Variants in CNTN1 observed in about 807,000 individuals in gnomAD.
The protein encoded by CNTN1 is contactin-1.
In CNTN1, 38 loss-of-function variants were observed where a neutral mutation model predicts 126.4. The observed-to-expected ratio is 0.30, with a 90% CI of 0.23 to 0.39. The LOEUF is 0.39. Ranked by LOEUF, CNTN1 falls within the 10% of genes least tolerant of loss-of-function variation. CNTN1 has a pLI of 1.00. For synonymous variants in CNTN1, 413 were observed against 422.6 expected (o/e 0.98, Z 0.28); for missense variants, 1,009 against 1,248.4 (o/e 0.81, Z 2.89).
chr12:40,811,262 C>CAT (rs1480861950), intron 1 of CNTN1, among the ~76,000 whole-genome samples: 1 of 152,158 alleles, frequency 6.6e-6, no homozygotes, highest in Non-Finnish European at 1.5e-5. Flanking sequence ...TAATGTATTA[C>CAT]ATAACCCTTT....
intron 3 of CNTN1, among the ~76,000 whole-genome samples, chr12:40,913,245 A>T (rs1945107882): frequency 6.6e-6 from 1 of 152,236 alleles, no homozygotes; most frequent in Non-Finnish European, 1.5e-5. Flanking sequence ...GACCCTAAAA[A>T]ACTGGGGCAC....
chr12:41,031,808 C>T (rs576757602), intron 23 of CNTN1, among the ~76,000 whole-genome samples: 1 of 152,072 alleles, frequency 6.6e-6, no homozygotes, highest in Non-Finnish European at 1.5e-5. Flanking sequence ...ATGTCAGATG[C>T]TTGGTGAATA....
chr12:40,787,023 A>G (rs1473531080), intron 1 of CNTN1, among the ~76,000 whole-genome samples: 5 of 152,164 alleles, frequency 3.3e-5, no homozygotes, highest in Admixed American at 3.3e-4. Context: ...TCATCAGCTC[A>G]CTATGATGTT....
At chr12:41,032,213 CAG>C (rs942792306) in intron 23 of CNTN1, among the ~76,000 whole-genome samples, 18 of 152,144 alleles carry the variant, frequency 1.2e-4, no homozygotes, top group Middle Eastern at 3.4e-3. Flanking sequence ...ATGCAATAGA[CAG>C]GGGGGTTTTT....
intron 1 of CNTN1, among the ~76,000 whole-genome samples, chr12:40,753,816 G>C (rs1157200401): frequency 6.6e-6 from 1 of 152,004 alleles, no homozygotes; most frequent in Non-Finnish European, 1.5e-5. Context: ...TTTATAACCT[G>C]CACATAGATT....
At chr12:40,925,579 G>GTATATA (rs1945626633) in intron 6 of CNTN1, among the ~76,000 whole-genome samples, 7 of 106,226 alleles carry the variant, frequency 6.6e-5, no homozygotes, top group African/African-American at 2.2e-4. Flanking sequence ...ACGTATATAC[G>GTATATA]TATATATACA....
At chr12:40,821,966 A>G (rs1340773508) in intron 1 of CNTN1, among the ~76,000 whole-genome samples, 1 of 141,922 alleles carries the variant, frequency 7.0e-6, no homozygotes, top group African/African-American at 3.1e-5. Context: ...ATTCAAAAAC[A>G]AAATCAAAAT....
chr12:40,933,630 G>T, intron 8 of CNTN1, 67 bp from the exon 9 acceptor site: 1 of 1,523,336 alleles, frequency 6.6e-7, no homozygotes, highest in Non-Finnish European at 9.1e-7. Context: ...TAATTGTTTA[G>T]CTATAAACAT....
At position 41,019,398 on chromosome 12, in the gene CNTN1, A is replaced by G. The variant is rs577620694; in HGVS notation, c.2420-939A>G. Among the ~76,000 whole-genome samples the G allele has an allele frequency of 4.6e-3, 698 of 152,124 alleles. 1 individual carries two copies. The highest frequency in any genetic ancestry group is 7.5e-3 in the Admixed American group (115 of 15,276). ...CTAAATATTTCATGAGTCTCATAAA[A>G]CTTGCATGTGTTGAAACTTGTATAA... On this transcript the variant is annotated intron_variant, in intron 19 of 23. Transcript: ENST00000551295.
chr12:40,944,280 C>T lies in CNTN1; in HGVS notation c.1683+110C>T, dbSNP rs1395064898. 7.4e-6 allele frequency: 8 copies of T among 1,075,054 alleles called. No individual in the cohort carries two copies. In the African/African-American group the frequency reaches 1.1e-4, roughly 15 times the overall value. 66.6% of individuals were successfully genotyped at this position (1,075,054 alleles called of 1,614,324 possible). ...TATATCATCTTTGTTTTTCATGAGA[C>T]CAAAAAGCAGGCAAAAAAGCTTTCT... On this transcript the variant is annotated intron_variant, in intron 14 of 23. Transcript: ENST00000551295.
At chr12:40,944,280 C>A in intron 14 of CNTN1, 110 bp downstream of exon 14, 2 of 1,075,162 alleles carry the variant, frequency 1.9e-6, no homozygotes, top group Admixed American at 4.2e-5. Flanking sequence ...TTTCATGAGA[C>A]CAAAAAGCAG....
At chr12:41,060,490 T>A (rs1949917780) in intron 23 of CNTN1, among the ~76,000 whole-genome samples, 1 of 152,192 alleles carries the variant, frequency 6.6e-6, no homozygotes, top group Non-Finnish European at 1.5e-5. Context: ...TAGCACTTGT[T>A]TTTATAAGTA....
At chr12:40,748,288 A>G (rs916510695) in intron 1 of CNTN1, among the ~76,000 whole-genome samples, 2 of 152,084 alleles carry the variant, frequency 1.3e-5, no homozygotes, top group Non-Finnish European at 2.9e-5. Context: ...ACTCCATTTT[A>G]TTTACATAAA....
chr12:40,892,881 C>G (rs979559098), intron 1 of CNTN1, among the ~76,000 whole-genome samples: 10 of 145,832 alleles, frequency 6.9e-5, no homozygotes, highest in Admixed American at 6.8e-4. Context: ...AGCACAATAT[C>G]AATCATTACA....
At chr12:40,841,897 A>G (rs1440031544) in intron 1 of CNTN1, among the ~76,000 whole-genome samples, 2 of 152,086 alleles carry the variant, frequency 1.3e-5, no homozygotes, top group East Asian at 1.9e-4. Flanking sequence ...CATCACTCCT[A>G]TTCCACATAG....
intron 9 of CNTN1, among the ~76,000 whole-genome samples, chr12:40,934,888 G>A (rs899177079): frequency 1.2e-4 from 18 of 151,976 alleles, no homozygotes; most frequent in Admixed American, 7.2e-4. Flanking sequence ...AACAGCAGTG[G>A]TTGCCACAGT....
In CNTN1 at chr12:41,014,205, A is replaced by G. The variant is rs202198217; in HGVS notation, c.2114-23A>G. The G allele has an allele frequency of 3.1e-6, 5 of 1,612,308 alleles. No homozygotes were observed. The East Asian group carries it at 6.7e-5, about 22-fold the overall frequency. On this transcript the variant is annotated intron_variant, in intron 17 of 23. Transcript: ENST00000551295. ...GGCCCTCTTTTTGTTGTTGTTTTGC[A>G]TATATTTGTTTGTTTGTTTCAGCAC... is the stretch of plus-strand genomic sequence containing the variant.
At chr12:41,014,097 G>A (rs528490270) in intron 17 of CNTN1, 131 bp from the exon 18 acceptor site, 1 of 756,044 alleles carries the variant, frequency 1.3e-6, no homozygotes, top group East Asian at 2.7e-5. Flanking sequence ...TGGATCATTT[G>A]TCCAGTATGT....
Position 40,822,148 on chromosome 12 carries a change from C to CTTTTTTTTTTTTTTTTTTTTGTTT in CNTN1, c.-76-86189_-76-86188insGTTTTTTTTTTTTTTTTTTTTTTT, listed in dbSNP as rs1941460625. Among the ~76,000 whole-genome samples, 2 of 47,236 alleles carry CTTTTTTTTTTTTTTTTTTTTGTTT rather than the reference C, an allele frequency of 4.2e-5. 1 individual carries two copies. Among genetic ancestry groups the CTTTTTTTTTTTTTTTTTTTTGTTT allele is most frequent in the Non-Finnish European group, 8.5e-5 (2 of 23,472 alleles). 31.0% of individuals were successfully genotyped at this position (47,236 alleles called of 152,430 possible). On this transcript the variant is annotated intron_variant, in intron 1 of 23. Transcript: ENST00000551295. ...TTTCCAGTCTAGACAAAATATAAATCTTTTTTTTTTTTTTTTTTTTTTTTG... is the reference window on the plus strand; with the variant it reads ...TTTCCAGTCTAGACAAAATATAAATCTTTTTTTTTTTTTTTTTTTTGTTTTTTTTTTTTTTTTTTTTTTTTTTTG...
Sources: allele counts gnomAD v4.1 joint callset (sites outside exome capture counted in the v4.1 genomes callset), GRCh38; gene constraint gnomAD v4.1.1; transcripts MANE v1.5; gene names NCBI Gene and HGNC (gene_info 2026-07-23, HGNC 2026-07-21).